C9orf72: variants seen among roughly 807,000 people sequenced by gnomAD.
The protein encoded by C9orf72 is C9orf72-SMCR8 complex subunit, also known as guanine nucleotide exchange factor C9orf72.
A neutral mutation model predicts 51.6 loss-of-function variants in C9orf72; 44 were observed. The observed-to-expected ratio is 0.85, with a 90% CI of 0.67 to 1.10. The LOEUF (loss-of-function observed/expected upper bound fraction) is 1.10, where lower values mean the gene tolerates loss of function less well. Among genes scored for constraint, C9orf72 ranks in the 50% least tolerant of loss-of-function variants. C9orf72 has a pLI of 0.00. For missense variants in C9orf72, 607 were observed against 570.6 expected (o/e 1.06, Z -0.65); for synonymous variants, 213 against 194.2 (o/e 1.10, Z -0.81).
In C9orf72 at chr9:27,564,156, CAAAAAA is replaced by C. The variant is rs11438223; in HGVS notation, c.504+1369_504+1374del. Among the ~76,000 whole-genome samples the C allele has an allele frequency of 2.0e-4, 17 of 86,714 alleles. No individual in the cohort carries two copies. In the East Asian group the frequency reaches 6.2e-3, roughly 32 times the overall value. 56.9% of individuals were successfully genotyped at this position (86,714 alleles called of 152,430 possible). Reference sequence around the variant, plus strand: ...TAGCCTCACTGAAGCTCAACAACACCAAAAAAAAAAAAAAAAAAAAAAATCCTACAG... The same window carrying C: ...TAGCCTCACTGAAGCTCAACAACACCAAAAAAAAAAAAAAAAATCCTACAG... On this transcript the variant is annotated intron_variant, in intron 3 of 10. Coordinates refer to ENST00000380003, the MANE Select transcript of C9orf72 (RefSeq NM_018325.5).
chr9:27,558,652 C>A (rs768754064), intron 6 of C9orf72, 45 bp from the exon 7 acceptor site: 1 of 961,990 alleles, frequency 1.0e-6, no homozygotes, highest in South Asian at 1.4e-5. Context: ...AGTAAAAAGA[C>A]CACTGATTTG....
intron 5 of C9orf72, chr9:27,561,242 A>T (rs893808117): frequency 1.9e-6 from 2 of 1,063,390 alleles, no homozygotes; most frequent in African/African-American, 3.5e-5. Context: ...ATTTTGTTCT[A>T]CGCCTAAATA....
chr9:27,551,586 T>C (rs535680142), intron 8 of C9orf72, among the ~76,000 whole-genome samples: 1 of 152,216 alleles, frequency 6.6e-6, no homozygotes, highest in Non-Finnish European at 1.5e-5. Context: ...AACAGGAAGG[T>C]AGTTCAAGTT....
In C9orf72 at chr9:27,557,471, G is replaced by T. The variant is rs956333475; in HGVS notation, c.856-675C>A. ...TAATCATCTTTGTATAATGTCAAAG[G>T]TATTTTCTGGAAAACTATATGATTT... On this transcript the variant is annotated intron_variant, in intron 7 of 10. Transcript: ENST00000380003. Among the ~76,000 whole-genome samples the T allele has an allele frequency of 3.9e-5, 6 of 152,112 alleles. 1 individual carries two copies. In the South Asian group the frequency reaches 6.2e-4, roughly 16 times the overall value.
chr9:27,551,575 A>C (rs1820909867), intron 8 of C9orf72, among the ~76,000 whole-genome samples: 1 of 152,232 alleles, frequency 6.6e-6, no homozygotes, highest in African/African-American at 2.4e-5. Context: ...GTGTAGAAGC[A>C]AACAGGAAGG....
rs777460147 is a variant in C9orf72 at position 27,556,839 on chromosome 9, G to A, written c.856-43C>T. On this transcript the variant is annotated intron_variant, in intron 7 of 10. Transcript: ENST00000380003. ...AAATTTACTGTCTTACATGCCAAACGATATGAATAATTGTTTTTTAATTTT... is the reference window on the plus strand; with the variant it reads ...AAATTTACTGTCTTACATGCCAAACAATATGAATAATTGTTTTTTAATTTT... 10 of 1,233,296 alleles carry A rather than the reference G, an allele frequency of 8.1e-6. No homozygotes were observed. In the Admixed American group the frequency reaches 1.2e-4, roughly 15 times the overall value. 76.4% of individuals were successfully genotyped at this position (1,233,296 alleles called of 1,614,324 possible).
rs1476251836 is a variant in C9orf72 at position 27,567,041 on chromosome 9, G to A, written c.80C>T (p.Ala27Val). The A allele has an allele frequency of 6.2e-7, 1 of 1,614,020 alleles. No individual in the cohort carries two copies. The highest frequency in any genetic ancestry group is 8.5e-7 in the Non-Finnish European group (1 of 1,179,878). The change falls in exon 2 of 11, where the codon GCA (alanine) becomes GTA (valine). Residue 27 changes from alanine (A) to valine (V), a missense_variant. Coordinates refer to ENST00000380003, the MANE Select transcript of C9orf72 (RefSeq NM_018325.5). ...ATTGTCCCAGTAAGCAAAAGTAGCT[G>A]CTAATAAAGGTGATTTGCCACTTAA... ...IALSGKSPLLAATFAYWDNIL... is the reference protein window; with the variant it reads ...IALSGKSPLLVATFAYWDNIL...
Position 27,548,413 on chromosome 9 carries a change from T to C in C9orf72, c.1269A>G (p.Gly423=), listed in dbSNP as rs1377784692. 2.2e-6 allele frequency: 3 copies of C among 1,369,664 alleles called. No homozygotes were observed. The highest frequency in any genetic ancestry group is 3.0e-6 in the Non-Finnish European group (3 of 1,008,006). The allele number at this position is 1,369,664 out of a possible 1,614,324, so 84.8% of individuals were successfully genotyped here. The change falls in exon 11 of 11, where the codon GGA becomes GGG. Residue 423 remains glycine, a synonymous_variant. Transcript: ENST00000380003. ...TCCGAAGAGATTTAAAGGGCTTTTT[T>C]CCCTTCTGCCTAAAAATAATGGAAA... ...IKYIEDDTQK[G]KKPFKSLRNL...
intron 8 of C9orf72, 115 bp from the exon 9 acceptor site, chr9:27,550,822 A>T: frequency 1.9e-6 from 1 of 519,560 alleles, no homozygotes; most frequent in Admixed American, 3.6e-5. Context: ...TTATAAATTG[A>T]TATTACATAT....
intron 1 of C9orf72, chr9:27,571,224 G>C (rs1819579945): frequency 1.3e-5 from 2 of 152,206 alleles, no homozygotes; most frequent in Admixed American, 6.5e-5. Context: ...ACGGTGGCTT[G>C]CTCACAGGGT....
chr9:27,552,962 T>A lies in C9orf72; in HGVS notation c.1092-2255A>T, dbSNP rs561530281. 9.9e-5 allele frequency among the ~76,000 whole-genome samples: 15 copies of A among 152,280 alleles called. No individual in the cohort carries two copies. The East Asian group carries it at 2.1e-3, about 22-fold the overall frequency. ...GTTGTGTCTCTGCCAGGTTTTGGTA[T>A]CAGAATGATGCTGGCCTCATTAGGG... On this transcript the variant is annotated intron_variant, in intron 8 of 10. Transcript: ENST00000380003.
intron 8 of C9orf72, among the ~76,000 whole-genome samples, chr9:27,551,947 T>C (rs1184248544): frequency 6.6e-6 from 1 of 152,226 alleles, no homozygotes; most frequent in African/African-American, 2.4e-5. Flanking sequence ...CTATTGTGAA[T>C]GGGACTGTGT....
chr9:27,556,039 T>A (rs700830), intron 8 of C9orf72, among the ~76,000 whole-genome samples: 149,473 of 151,178 alleles, frequency 0.99, 73,917 homozygotes, highest in East Asian at 1. Context: ...GAATTTACTG[T>A]TCAGGCTTTT....
intron 8 of C9orf72, among the ~76,000 whole-genome samples, chr9:27,552,431 C>G (rs920417949): frequency 3.9e-5 from 6 of 151,972 alleles, no homozygotes; most frequent in African/African-American, 1.5e-4. Context: ...CGCTGCCAAC[C>G]TCTGCCTCCC....
chr9:27,548,447 A>AAAAAAAAAAAAAAAC, intron 10 of C9orf72, 25 bp from the exon 11 acceptor site: 1 of 1,407,736 alleles, frequency 7.1e-7, no homozygotes, highest in South Asian at 1.3e-5. Flanking sequence ...AAAAAAAAAA[A>AAAAAAAAAAAAAAAC]AAAAAAAAAA....
chr9:27,561,434 T>G, intron 5 of C9orf72, 151 bp downstream of exon 5: 1 of 1,407,164 alleles, frequency 7.1e-7, no homozygotes, highest in Non-Finnish European at 9.2e-7. Context: ...GAGTGAAAAA[T>G]AACACAAATT....
intron 3 of C9orf72, among the ~76,000 whole-genome samples, chr9:27,563,334 C>T (rs1457736157): frequency 6.6e-6 from 1 of 152,066 alleles, no homozygotes; most frequent in East Asian, 1.9e-4. Flanking sequence ...CAGTATAACA[C>T]ATCACAAATG....
At position 27,566,704 on chromosome 9, in the gene C9orf72, G is replaced by C; in HGVS notation, c.417C>G (p.Ile139Met). Reference sequence around the variant, plus strand: ...TATGCATCCATATTCTTCCTTTCCGGATTATATGTGTTAATCTATCAACAC... The same window carrying C: ...TATGCATCCATATTCTTCCTTTCCGCATTATATGTGTTAATCTATCAACAC... ...RVCVDRLTHI[I>M]RKGRIWMHKE... Residue 139 changes from isoleucine to methionine, a missense_variant, in exon 2 of 11, where the codon ATC becomes ATG. Physicochemically the swap from Ile to Met is conservative, Grantham distance 10 (BLOSUM62 1). Transcript: ENST00000380003. 1 of 1,607,908 alleles carries C rather than the reference G, an allele frequency of 6.2e-7. No individual in the cohort carries two copies. Among genetic ancestry groups the C allele is most frequent in the Non-Finnish European group, 8.5e-7 (1 of 1,176,084 alleles).
chr9:27,560,115 C>G (rs539300734), intron 6 of C9orf72, 112 bp downstream of exon 6: 3 of 591,100 alleles, frequency 5.1e-6, no homozygotes, highest in South Asian at 3.0e-5. Flanking sequence ...ATTACATTGC[C>G]TCCTTATACT....
Sources: gnomAD v4.1 joint callset for allele counts (sites outside exome capture counted in the v4.1 genomes callset) on GRCh38, gnomAD v4.1.1 for gene constraint, MANE v1.5 for transcripts, NCBI Gene and HGNC (gene_info 2026-07-23, HGNC 2026-07-21) for gene names.